Variants in UTRN observed in about 807,000 individuals in gnomAD.
The protein encoded by UTRN is dystrophin-related protein 1.
In UTRN, 283 loss-of-function variants were observed where a neutral mutation model predicts 463.9. That is an observed-to-expected ratio of 0.61 (90% confidence interval 0.55 to 0.67). The LOEUF (loss-of-function observed/expected upper bound fraction) is 0.67. Ranked by LOEUF, UTRN falls within the 30% of genes least tolerant of loss-of-function variation. The probability of loss-of-function intolerance (pLI) is 0.00; values close to 1 mark genes in which losing one functional copy is unlikely to be tolerated. For missense variants in UTRN, 3,922 were observed against 4,084.3 expected (o/e 0.96, Z 1.08); for synonymous variants, 1,442 against 1,431.5 (o/e 1.01, Z -0.17).
At chr6:144,437,816 C>T in intron 11 of UTRN, 70 bp downstream of exon 11, 1 of 1,442,992 alleles carries the variant, frequency 6.9e-7, no homozygotes, top group Non-Finnish European at 9.3e-7. Flanking sequence ...TAGTAGATGT[C>T]TGCATGTCTG....
At chr6:144,596,302 T>C (rs572314344) in intron 51 of UTRN, among the ~76,000 whole-genome samples, 8 of 152,300 alleles carry the variant, frequency 5.3e-5, no homozygotes, top group Non-Finnish European at 1.0e-4. Flanking sequence ...AGGTGTCTTA[T>C]GGTTTTTCCG....
chr6:144,687,347 A>G (rs1024869064), intron 52 of UTRN, among the ~76,000 whole-genome samples: 2 of 152,124 alleles, frequency 1.3e-5, no homozygotes, highest in Non-Finnish European at 1.5e-5. Flanking sequence ...TATAGACTCA[A>G]GGTAAAGAGG....
intron 2 of UTRN, among the ~76,000 whole-genome samples, chr6:144,396,171 C>G (rs1434637590): frequency 1.3e-5 from 2 of 152,148 alleles, no homozygotes; most frequent in Non-Finnish European, 2.9e-5. Flanking sequence ...AGTTTATACA[C>G]ACAATGGAAT....
At chr6:144,422,484 G>A (rs1247740948) in intron 4 of UTRN, among the ~76,000 whole-genome samples, 1 of 152,122 alleles carries the variant, frequency 6.6e-6, no homozygotes, top group African/African-American at 2.4e-5. Flanking sequence ...GGGTGTGGCG[G>A]CATGTGCCTG....
intron 55 of UTRN, among the ~76,000 whole-genome samples, chr6:144,750,812 G>A (rs1344729312): frequency 6.6e-6 from 1 of 151,992 alleles, no homozygotes; most frequent in Non-Finnish European, 1.5e-5. Flanking sequence ...GAATAGTGAG[G>A]GTCTATTCCC....
At chr6:144,502,411 C>T (rs1794285002) in intron 34 of UTRN, among the ~76,000 whole-genome samples, 1 of 151,976 alleles carries the variant, frequency 6.6e-6, no homozygotes, top group African/African-American at 2.4e-5. Context: ...CCTCCCCTAG[C>T]CCCCCAGCCC....
rs1234070524 is a variant in UTRN, at chr6:144,285,431, G to C, written c.-483G>C. 6.6e-6 allele frequency among the ~76,000 whole-genome samples: 1 copy of C among 152,226 alleles called. No homozygotes were observed. Among genetic ancestry groups the C allele is most frequent in the Admixed American group, 6.5e-5 (1 of 15,292 alleles). On this transcript the variant is annotated 5_prime_UTR_variant, in exon 1 of 75. Coordinates refer to ENST00000367545, the MANE Select transcript of UTRN (RefSeq NM_007124.3). ...GAGCCTCTGGCTCCAGAAGCCGATT[G>C]GGGAATCACGGGGAGCGGCGCCCCC...
chr6:144,836,638 A>G (rs1466434358), intron 71 of UTRN, 97 bp downstream of exon 71: 1 of 1,511,220 alleles, frequency 6.6e-7, no homozygotes, highest in South Asian at 1.3e-5. Context: ...AGAGAAGTCC[A>G]CTTTCAATTT....
At chr6:144,354,478 A>T (rs978441727) in intron 2 of UTRN, among the ~76,000 whole-genome samples, 4 of 152,110 alleles carry the variant, frequency 2.6e-5, no homozygotes, top group African/African-American at 7.2e-5. Context: ...ATTTTGTTGG[A>T]CCCAACTGGA....
intron 3 of UTRN, among the ~76,000 whole-genome samples, chr6:144,404,290 G>A (rs763419985): frequency 6.6e-6 from 1 of 152,190 alleles, no homozygotes; most frequent in Non-Finnish European, 1.5e-5. Flanking sequence ...ATAATTGGCA[G>A]TTATATGTGT....
rs766424377 is a variant in UTRN at position 144,485,388 on chromosome 6, G to T, written c.3691G>T (p.Val1231Phe). 1.2e-6 allele frequency: 2 copies of T among 1,614,078 alleles called. No individual in the cohort carries two copies. Among genetic ancestry groups the T allele is most frequent in the Admixed American group, 3.3e-5 (2 of 60,016 alleles). Reference protein sequence around the residue: ...IRGKCHTLEEVWSCWIELLHY... With the variant: ...IRGKCHTLEEFWSCWIELLHY... Reference sequence around the variant, plus strand: ...TTTAAAATTTTTCATGCTTTAGGAGGTCTGGTCTTGTTGGATTGAACTGCT... The same window carrying T: ...TTTAAAATTTTTCATGCTTTAGGAGTTCTGGTCTTGTTGGATTGAACTGCT... The change falls in exon 28 of 75, where the codon GTC becomes TTC. Residue 1231 changes from valine to phenylalanine, a missense_variant. Physicochemically the swap from Val to Phe is conservative, Grantham distance 50. Transcript: ENST00000367545.
intron 73 of UTRN, among the ~76,000 whole-genome samples, chr6:144,842,134 A>AAAAT (rs1781637370): frequency 6.7e-6 from 1 of 149,256 alleles, no homozygotes; most frequent in African/African-American, 2.5e-5. Context: ...AAAAAAAAAA[A>AAAAT]GCCATCCGAA....
chr6:144,697,176 A>T (rs1784106367), intron 52 of UTRN, among the ~76,000 whole-genome samples: 1 of 152,194 alleles, frequency 6.6e-6, no homozygotes, highest in South Asian at 2.1e-4. Context: ...CAGTCAATAA[A>T]AGTGTTTATT....
chr6:144,715,359 G>A (rs1046420122), intron 53 of UTRN, among the ~76,000 whole-genome samples: 3 of 152,042 alleles, frequency 2.0e-5, no homozygotes, highest in African/African-American at 7.2e-5. Context: ...CTCTGTCTCT[G>A]GAAGTATCAG....
intron 53 of UTRN, among the ~76,000 whole-genome samples, chr6:144,706,163 T>C (rs561658268): frequency 1.2e-4 from 18 of 151,780 alleles, no homozygotes; most frequent in Non-Finnish European, 1.9e-4. Flanking sequence ...TTATCCTGAG[T>C]CTTTTCTTGA....
At chr6:144,320,575 C>T (rs1775575123) in intron 2 of UTRN, among the ~76,000 whole-genome samples, 1 of 152,168 alleles carries the variant, frequency 6.6e-6, no homozygotes, top group African/African-American at 2.4e-5. Context: ...CATACACACA[C>T]AATTTGACAT....
intron 23 of UTRN, among the ~76,000 whole-genome samples, chr6:144,470,150 C>T (rs878993961): frequency 6.6e-6 from 1 of 152,268 alleles, no homozygotes; most frequent in Non-Finnish European, 1.5e-5. Context: ...TTTCCCCACA[C>T]TTCCCCCCCT....
chr6:144,641,530 A>G (rs1288062472), intron 51 of UTRN, among the ~76,000 whole-genome samples: 3 of 152,232 alleles, frequency 2.0e-5, no homozygotes, highest in South Asian at 2.1e-4. Context: ...CCCCTCTTCC[A>G]TCTTGGCCTG....
chr6:144,514,144 T>TGGTACAGTTTGCTCTTTGAAGG, intron 36 of UTRN, 107 bp downstream of exon 36: 1 of 1,411,720 alleles, frequency 7.1e-7, no homozygotes, highest in African/African-American at 1.4e-5. Context: ...CTCCCAAGCA[T>TGGTACAGTTTGCTCTTTGAAGG]TAGATTCATT....
Sources: gnomAD v4.1 joint callset for allele counts (sites outside exome capture counted in the v4.1 genomes callset) on GRCh38, gnomAD v4.1.1 for gene constraint, MANE v1.5 for transcripts, NCBI Gene and HGNC (gene_info 2026-07-23, HGNC 2026-07-21) for gene names.